FRY: variants seen among roughly 807,000 people sequenced by gnomAD.
The protein encoded by FRY is protein furry homolog.
FRY carries 128 observed loss-of-function variants against 348.4 expected under a neutral mutation model. The ratio of observed to expected loss-of-function variants is 0.37; its 90% CI spans 0.32 to 0.43. The LOEUF (loss-of-function observed/expected upper bound fraction) is 0.43. Among genes scored for constraint, FRY ranks in the 20% least tolerant of loss-of-function variants. FRY has a pLI of 1.00. For missense variants in FRY, 2,736 were observed against 3,695.2 expected (o/e 0.74, Z 6.73); for synonymous variants, 1,370 against 1,374.7 (o/e 1.00, Z 0.08).
intron 35 of FRY, among the ~76,000 whole-genome samples, chr13:32,214,320 G>T (rs1167081187): frequency 6.6e-6 from 1 of 152,208 alleles, no homozygotes; most frequent in East Asian, 1.9e-4. Flanking sequence ...CAGAGAGACT[G>T]CGTATCTCTT....
At chr13:32,285,757 C>G (rs775124248) in intron 58 of FRY, among the ~76,000 whole-genome samples, 1 of 152,174 alleles carries the variant, frequency 6.6e-6, no homozygotes. Flanking sequence ...GCATACTAAA[C>G]GTTTCAGTCA....
chr13:32,096,225 T>G (rs997867705), intron 2 of FRY, among the ~76,000 whole-genome samples: 1 of 152,172 alleles, frequency 6.6e-6, no homozygotes. Flanking sequence ...CTTGGTAATG[T>G]TAAAATGTGA....
chr13:32,084,634 C>A (rs1489139056), intron 2 of FRY, among the ~76,000 whole-genome samples: 1 of 152,190 alleles, frequency 6.6e-6, no homozygotes, highest in Non-Finnish European at 1.5e-5. Flanking sequence ...GTCTTGCAAA[C>A]TATTCTGTCC....
chr13:32,096,437 C>T (rs961550471), intron 2 of FRY, among the ~76,000 whole-genome samples: 1 of 148,060 alleles, frequency 6.8e-6, no homozygotes, highest in African/African-American at 2.5e-5. Context: ...GGGAAAACTG[C>T]GGGGGGGGGC....
chr13:32,166,986 T>A (rs923050190), intron 17 of FRY, among the ~76,000 whole-genome samples: 1 of 152,150 alleles, frequency 6.6e-6, no homozygotes, highest in Non-Finnish European at 1.5e-5. Flanking sequence ...AGGACTACAC[T>A]GCCCTGGGGC....
chr13:32,069,584 A>G (rs1874489316), intron 1 of FRY, among the ~76,000 whole-genome samples: 1 of 152,196 alleles, frequency 6.6e-6, no homozygotes, highest in African/African-American at 2.4e-5. Flanking sequence ...TGGTATATAC[A>G]TACAATGGAA....
intron 46 of FRY, among the ~76,000 whole-genome samples, chr13:32,240,992 C>T (rs1419028383): frequency 6.6e-6 from 1 of 152,158 alleles, no homozygotes; most frequent in Non-Finnish European, 1.5e-5. Context: ...GACCTGTGTT[C>T]AGACTGTCAG....
At position 32,174,533 on chromosome 13, in the gene FRY, A is replaced by G. The variant is rs1882266718; in HGVS notation, c.2334+984A>G. Among the ~76,000 whole-genome samples the G allele has an allele frequency of 1.3e-5, 2 of 152,218 alleles. 1 individual carries two copies. Among genetic ancestry groups the G allele is most frequent in the South Asian group, 4.1e-4 (2 of 4,830 alleles). On this transcript the variant is annotated intron_variant, in intron 19 of 60. Transcript: ENST00000542859. ...TAACCTAAGGATTGGTTTGGTTATT[A>G]TCCCATTGTACAGATACTGAGACTG...
chr13:32,135,371 T>C (rs1347241594), intron 10 of FRY, among the ~76,000 whole-genome samples, 188 bp downstream of exon 10: 1 of 152,218 alleles, frequency 6.6e-6, no homozygotes, highest in African/African-American at 2.4e-5. Flanking sequence ...GATATTCATG[T>C]AGGGGGATTA....
At chr13:32,263,215 T>A (rs1048298104) in intron 53 of FRY, among the ~76,000 whole-genome samples, 3 of 152,154 alleles carry the variant, frequency 2.0e-5, no homozygotes, top group African/African-American at 7.2e-5. Flanking sequence ...TCAAGCACTG[T>A]CTATCATGAG....
intron 10 of FRY, among the ~76,000 whole-genome samples, chr13:32,136,461 A>G (rs768383009): frequency 1.3e-5 from 2 of 152,250 alleles, no homozygotes; most frequent in Non-Finnish European, 2.9e-5. Flanking sequence ...ACAAATTATT[A>G]GATGTCTATG....
At chr13:32,273,539 A>G (rs899398412) in intron 55 of FRY, among the ~76,000 whole-genome samples, 1 of 152,106 alleles carries the variant, frequency 6.6e-6, no homozygotes, top group Non-Finnish European at 1.5e-5. Flanking sequence ...TCTTAACCTC[A>G]GATTGTTCAT....
At chr13:32,234,449 T>A in intron 41 of FRY, 125 bp from the exon 42 acceptor site, 1 of 850,896 alleles carries the variant, frequency 1.2e-6, no homozygotes, top group Non-Finnish European at 2.0e-6. Context: ...AATGGTTGAC[T>A]TGTAAATAAG....
At chr13:32,049,188 G>A (rs964907026) in intron 1 of FRY, among the ~76,000 whole-genome samples, 1 of 152,200 alleles carries the variant, frequency 6.6e-6, no homozygotes, top group African/African-American at 2.4e-5. Flanking sequence ...CTGAGGGATA[G>A]TTCCATGGAG....
intron 7 of FRY, among the ~76,000 whole-genome samples, chr13:32,126,766 T>G (rs1197962494): frequency 6.6e-6 from 1 of 152,206 alleles, no homozygotes; most frequent in Non-Finnish European, 1.5e-5. Flanking sequence ...GACCATTACT[T>G]TATTGTTACC....
chr13:32,097,567 G>A (rs967362479), intron 2 of FRY, among the ~76,000 whole-genome samples: 5 of 151,826 alleles, frequency 3.3e-5, no homozygotes, highest in African/African-American at 7.3e-5. Context: ...CACCATGTTG[G>A]CCAGGCTGGT....
chr13:32,143,430 T>C (rs983721701), intron 11 of FRY, among the ~76,000 whole-genome samples: 3 of 152,272 alleles, frequency 2.0e-5, no homozygotes, highest in African/African-American at 7.2e-5. Context: ...ATCTCAAAAA[T>C]GTTCTTAAGA....
At chr13:32,130,681 C>T (rs1455757787) in intron 7 of FRY, among the ~76,000 whole-genome samples, 1 of 152,078 alleles carries the variant, frequency 6.6e-6, no homozygotes, top group Non-Finnish European at 1.5e-5. Flanking sequence ...AATACAAATA[C>T]TTTGAGGACA....
chr13:32,276,783 T>C (rs749745110), intron 57 of FRY, among the ~76,000 whole-genome samples: 4 of 152,218 alleles, frequency 2.6e-5, no homozygotes, highest in Non-Finnish European at 4.4e-5. Context: ...CATTCACTTT[T>C]AGCCCTACCA....
Sources: gnomAD v4.1 joint callset for allele counts (sites outside exome capture counted in the v4.1 genomes callset) on GRCh38, gnomAD v4.1.1 for gene constraint, MANE v1.5 for transcripts, NCBI Gene and HGNC (gene_info 2026-07-23, HGNC 2026-07-21) for gene names.